The following CNTNAP2 variants were observed in gnomAD, a reference collection of about 807,000 sequenced individuals.
CNTNAP2 encodes the protein contactin associated protein 2.
A neutral mutation model predicts 155.2 loss-of-function variants in CNTNAP2; 98 were observed. The observed-to-expected ratio is 0.63, with a 90% CI of 0.54 to 0.75. CNTNAP2 has a LOEUF of 0.75. Ranked by LOEUF, CNTNAP2 falls within the 30% of genes least tolerant of loss-of-function variation. The pLI, the probability that CNTNAP2 is intolerant of heterozygous loss-of-function variation, is 0.00. For missense variants in CNTNAP2, 1,727 were observed against 1,688.1 expected (o/e 1.02, Z -0.40); for synonymous variants, 651 against 631.2 (o/e 1.03, Z -0.47).
chr7:146,796,392 G>A (rs188589558), intron 2 of CNTNAP2, among the ~76,000 whole-genome samples: 125 of 152,278 alleles, frequency 8.2e-4, no homozygotes, highest in Admixed American at 4.5e-3. Context: ...TGTGGAGGGT[G>A]AGCGGCTGTA....
intron 4 of CNTNAP2, among the ~76,000 whole-genome samples, chr7:147,047,829 T>C (rs570969613): frequency 6.6e-6 from 1 of 152,298 alleles, no homozygotes; most frequent in Admixed American, 6.5e-5. Flanking sequence ...ACTTTTCCAC[T>C]GTATAAGTCC....
intron 1 of CNTNAP2, among the ~76,000 whole-genome samples, chr7:146,583,050 G>T (rs1798636378): frequency 6.6e-6 from 1 of 151,900 alleles, no homozygotes; most frequent in Admixed American, 6.6e-5. Context: ...GTAGTATGTT[G>T]CAGAAATGCG....
chr7:147,508,565 G>A (rs950413282), intron 11 of CNTNAP2, among the ~76,000 whole-genome samples: 1 of 152,142 alleles, frequency 6.6e-6, no homozygotes, highest in Non-Finnish European at 1.5e-5. Context: ...TGACTTATCA[G>A]GTCTTATCAG....
intron 12 of CNTNAP2, among the ~76,000 whole-genome samples, chr7:147,583,860 T>A (rs542244713): frequency 6.6e-6 from 1 of 152,190 alleles, no homozygotes; most frequent in East Asian, 1.9e-4. Context: ...TGTCTTACTA[T>A]CGGTAGCATC....
At chr7:148,357,052 G>A (rs898213151) in intron 21 of CNTNAP2, among the ~76,000 whole-genome samples, 1 of 152,072 alleles carries the variant, frequency 6.6e-6, no homozygotes, top group African/African-American at 2.4e-5. Flanking sequence ...GTACTTTGCT[G>A]TTACCCCATG....
At chr7:146,980,614 T>C (rs1036546380) in intron 3 of CNTNAP2, among the ~76,000 whole-genome samples, 1 of 152,120 alleles carries the variant, frequency 6.6e-6, no homozygotes, top group Non-Finnish European at 1.5e-5. Context: ...TTTCCAGTCA[T>C]GGCAGAAGGG....
chr7:147,552,805 T>G (rs746826894), intron 11 of CNTNAP2, among the ~76,000 whole-genome samples: 1 of 152,220 alleles, frequency 6.6e-6, no homozygotes, highest in Non-Finnish European at 1.5e-5. Context: ...GTTCAAATCC[T>G]GGCTCTGCCT....
intron 1 of CNTNAP2, among the ~76,000 whole-genome samples, chr7:146,743,953 T>C (rs1170735326): frequency 6.6e-6 from 1 of 150,836 alleles, no homozygotes; most frequent in Non-Finnish European, 1.5e-5. Context: ...CCAGGAGTGG[T>C]GGCTCATGCC....
At chr7:146,476,672 G>A (rs1796881373) in intron 1 of CNTNAP2, among the ~76,000 whole-genome samples, 1 of 152,084 alleles carries the variant, frequency 6.6e-6, no homozygotes, top group South Asian at 2.1e-4. Flanking sequence ...GAAACAATTG[G>A]TTAAGATTAA....
intron 3 of CNTNAP2, among the ~76,000 whole-genome samples, chr7:146,996,918 C>T (rs1389767758): frequency 1.3e-5 from 2 of 152,064 alleles, no homozygotes; most frequent in East Asian, 3.9e-4. Context: ...GAATAAGTCT[C>T]ACAATATCTG....
At chr7:146,441,430 T>C (rs756584630) in intron 1 of CNTNAP2, among the ~76,000 whole-genome samples, 34 of 151,504 alleles carry the variant, frequency 2.2e-4, no homozygotes, top group Admixed American at 3.9e-4. Flanking sequence ...TGGTCTTCGA[T>C]TACAGATACA....
intron 12 of CNTNAP2, among the ~76,000 whole-genome samples, chr7:147,602,651 C>A (rs942009582): frequency 6.6e-6 from 1 of 151,484 alleles, no homozygotes; most frequent in African/African-American, 2.4e-5. Context: ...CCCCCCACCC[C>A]ACAACAGGCC....
chr7:148,345,905 C>T (rs1199737530), intron 21 of CNTNAP2, among the ~76,000 whole-genome samples: 1 of 152,124 alleles, frequency 6.6e-6, no homozygotes. Flanking sequence ...TTAGCAACTC[C>T]TATATGAAAG....
At chr7:146,547,531 C>T (rs1355516813) in intron 1 of CNTNAP2, among the ~76,000 whole-genome samples, 1 of 152,012 alleles carries the variant, frequency 6.6e-6, no homozygotes, top group African/African-American at 2.4e-5. Flanking sequence ...CCATTATGGT[C>T]TTTGATTTGG....
intron 3 of CNTNAP2, among the ~76,000 whole-genome samples, chr7:146,971,215 A>AG (rs60597921): frequency 0.011 from 1,605 of 152,124 alleles, 27 homozygotes; most frequent in African/African-American, 0.037. Context: ...AATTAAAAAA[A>AG]AAGTTAATAC....
At chr7:146,851,398 A>G (rs1318368696) in intron 3 of CNTNAP2, among the ~76,000 whole-genome samples, 1 of 152,116 alleles carries the variant, frequency 6.6e-6, no homozygotes, top group African/African-American at 2.4e-5. Flanking sequence ...GCTGTTTTCA[A>G]TTTTTAAAGA....
intron 1 of CNTNAP2, among the ~76,000 whole-genome samples, chr7:146,673,648 A>G (rs574208508): frequency 1.3e-5 from 2 of 152,306 alleles, no homozygotes; most frequent in South Asian, 2.1e-4. Flanking sequence ...GCTGTAACCA[A>G]TCTGGCTGTT....
chr7:146,139,903 G>T (rs1400736221), intron 1 of CNTNAP2, among the ~76,000 whole-genome samples: 5 of 152,086 alleles, frequency 3.3e-5, no homozygotes, highest in Admixed American at 3.3e-4. Flanking sequence ...TTTAACAAAT[G>T]TCAGTCATCT....
At chr7:146,828,626 A>G (rs1803452457) in intron 2 of CNTNAP2, among the ~76,000 whole-genome samples, 1 of 152,072 alleles carries the variant, frequency 6.6e-6, no homozygotes, top group Non-Finnish European at 1.5e-5. Flanking sequence ...AAAAAGAAAA[A>G]TACTACTACC....
Sources: gnomAD v4.1 joint callset for allele counts (sites outside exome capture counted in the v4.1 genomes callset) on GRCh38, gnomAD v4.1.1 for gene constraint, MANE v1.5 for transcripts, NCBI Gene and HGNC (gene_info 2026-07-23, HGNC 2026-07-21) for gene names.